Variants in PCDHA9 observed in about 807,000 individuals in gnomAD.
The protein encoded by PCDHA9 is protocadherin alpha 9, also known as protocadherin alpha-9.
In PCDHA9, 62 loss-of-function variants were observed where a neutral mutation model predicts 62.0. That is an observed-to-expected ratio of 1.00 (90% CI 0.81 to 1.23). The LOEUF (loss-of-function observed/expected upper bound fraction) is 1.23. PCDHA9 is among the 50% of genes most tolerant of loss of function. The pLI, the probability that PCDHA9 is intolerant of heterozygous loss-of-function variation, is 0.00. For missense variants in PCDHA9, 1,205 were observed against 1,249.8 expected (o/e 0.96, Z 0.54); for synonymous variants, 557 against 567.6 (o/e 0.98, Z 0.27).
chr5:140,862,586 C>G (rs2047435706), intron 1 of PCDHA9: 3 of 498,034 alleles, frequency 6.0e-6, no homozygotes, highest in Non-Finnish European at 1.2e-5. Flanking sequence ...TTCCAGCAGC[C>G]CGAGTACATG....
intron 1 of PCDHA9, among the ~76,000 whole-genome samples, chr5:140,959,089 C>T (rs150796442): frequency 0.023 from 3,565 of 152,100 alleles, 49 homozygotes; most frequent in Middle Eastern, 0.034. Context: ...TCCTTGGTTT[C>T]GGACATTCAG....
At chr5:140,863,270 T>C (rs1554158046) in intron 1 of PCDHA9, 1 of 1,459,904 alleles carries the variant, frequency 6.8e-7, no homozygotes, top group Admixed American at 1.8e-5. Flanking sequence ...GAGGCAGCGC[T>C]GGTGGATGTC....
chr5:140,977,514 A>G (rs1554238605), intron 1 of PCDHA9, among the ~76,000 whole-genome samples: 13 of 152,216 alleles, frequency 8.5e-5, no homozygotes. Context: ...CATTTTGTGA[A>G]CTTGAAAACA....
At chr5:140,946,059 G>T (rs979423479) in intron 1 of PCDHA9, among the ~76,000 whole-genome samples, 4 of 152,038 alleles carry the variant, frequency 2.6e-5, no homozygotes, top group Non-Finnish European at 4.4e-5. Flanking sequence ...CAGAATGGGA[G>T]AAAATATTTG....
rs1395280300 is a variant in PCDHA9, at chr5:140,857,152, T to C, written c.2394+6263T>C. ...AAGATGCTCAAGTGGGCACCGTCAT[T>C]GCCCTAATCAGCGTTTCTGACCATG... On this transcript the variant is annotated intron_variant, in intron 1 of 3. Coordinates refer to ENST00000532602, the MANE Select transcript of PCDHA9 (RefSeq NM_031857.2). The C allele has an allele frequency of 3.8e-6, 6 of 1,598,324 alleles. 1 individual carries two copies. In the Admixed American group the frequency reaches 8.4e-5, roughly 22 times the overall value.
At chr5:140,881,648 CCTT>C (rs1554172342) in intron 1 of PCDHA9, among the ~76,000 whole-genome samples, 4 of 152,182 alleles carry the variant, frequency 2.6e-5, no homozygotes, top group African/African-American at 9.7e-5. Flanking sequence ...ATATTTTTCA[CCTT>C]CACCGATTTT....
In PCDHA9 at chr5:141,010,847, A is replaced by C. The variant is rs2098418553; in HGVS notation, c.*910A>C. 6.5e-6 allele frequency: 1 copy of C among 153,782 alleles called. No homozygotes were observed. Among genetic ancestry groups the C allele is most frequent in the Non-Finnish European group, 1.5e-5 (1 of 68,062 alleles). The allele number at this position is 153,782 out of a possible 1,614,324, so 9.5% of individuals were successfully genotyped here. A position where few individuals can be genotyped will look rare whatever the true frequency, so the allele number is the denominator to read the frequency against. ...TTGTTGTTTCATAGATTTATTTAAA[A>C]AAAGAGAAAGTCTATAGCTATAAAT... On this transcript the variant is annotated 3_prime_UTR_variant, in exon 4 of 4. Transcript: ENST00000532602.
At chr5:140,905,928 A>G (rs2072211023) in intron 1 of PCDHA9, among the ~76,000 whole-genome samples, 1 of 152,238 alleles carries the variant, frequency 6.6e-6, no homozygotes, top group Admixed American at 6.5e-5. Context: ...TGAGTCCCAA[A>G]GCTGAAGAAC....
chr5:140,996,293 A>T (rs1481852263), intron 3 of PCDHA9, among the ~76,000 whole-genome samples: 1 of 152,264 alleles, frequency 6.6e-6, no homozygotes, highest in African/African-American at 2.4e-5. Context: ...CAAGAAGCAC[A>T]GATTGTAACA....
chr5:140,871,665 C>G, intron 1 of PCDHA9: 1 of 1,187,684 alleles, frequency 8.4e-7, no homozygotes, highest in African/African-American at 1.5e-5. Flanking sequence ...CATCTTCAGT[C>G]TTTTAATCAT....
chr5:140,878,406 T>A (rs1198360264), intron 1 of PCDHA9, among the ~76,000 whole-genome samples: 2 of 152,254 alleles, frequency 1.3e-5, no homozygotes, highest in Non-Finnish European at 2.9e-5. Flanking sequence ...CAAAATATCT[T>A]CTTTATTTCA....
rs11350929 is a variant in PCDHA9, at chr5:140,972,660, ATTT to A, written c.2395-6269_2395-6267del. Among the ~76,000 whole-genome samples, 687 of 117,242 alleles carry A rather than the reference ATTT, an allele frequency of 5.9e-3. 9 individuals carry two copies. Among genetic ancestry groups the A allele is most frequent in the African/African-American group, 0.021 (630 of 30,162 alleles). 76.9% of individuals were successfully genotyped at this position (117,242 alleles called of 152,430 possible). A position where few individuals can be genotyped will look rare whatever the true frequency, so the allele number is the denominator to read the frequency against. On this transcript the variant is annotated intron_variant, in intron 1 of 3. Coordinates refer to ENST00000532602, the MANE Select transcript of PCDHA9 (RefSeq NM_031857.2). ...CAGAGTCTCCATAAAAAGAAACCAAATTTTTTTTTTTTTTTTTTTTTTGAGATG... is the reference window on the plus strand; with the variant it reads ...CAGAGTCTCCATAAAAAGAAACCAAATTTTTTTTTTTTTTTTTTTGAGATG...
chr5:140,957,983 AG>A (rs1554223250), intron 1 of PCDHA9, among the ~76,000 whole-genome samples: 1 of 152,154 alleles, frequency 6.6e-6, no homozygotes, highest in Non-Finnish European at 1.5e-5. Flanking sequence ...AAATAGAATC[AG>A]TGCCAGATTT....
At chr5:140,926,722 C>A in intron 1 of PCDHA9, 1 of 1,027,126 alleles carries the variant, frequency 9.7e-7, no homozygotes, top group East Asian at 3.0e-5. Flanking sequence ...CCCGGCAATG[C>A]CGGCGTTCGG....
chr5:140,861,587 G>C, intron 1 of PCDHA9: 1 of 374,992 alleles, frequency 2.7e-6, no homozygotes, highest in South Asian at 2.4e-5. Flanking sequence ...TCCATGTGGA[G>C]GTGAAAGTGA....
intron 1 of PCDHA9, among the ~76,000 whole-genome samples, chr5:140,977,624 T>C (rs139722248): frequency 6.6e-6 from 1 of 152,088 alleles, no homozygotes. Flanking sequence ...TATCCCAGAG[T>C]TGTAACTTTT....
intron 1 of PCDHA9, among the ~76,000 whole-genome samples, chr5:140,974,578 C>T (rs1554236214): frequency 6.6e-6 from 1 of 152,170 alleles, no homozygotes; most frequent in Admixed American, 6.5e-5. Flanking sequence ...ATGGCATGAT[C>T]TTGGCTCACT....
rs145430316 is a variant in PCDHA9 at position 140,849,629 on chromosome 5, C to T, written c.1134C>T (p.Asp378=). The T allele has an allele frequency of 6.9e-4, 1,102 of 1,598,720 alleles. 110 individuals carry two copies. The highest frequency in any genetic ancestry group is 1.2e-3 in the South Asian group (106 of 90,564). Residue 378 remains aspartate, a synonymous_variant, in exon 1 of 4, where the codon GAC becomes GAT. Transcript: ENST00000532602. ...CCCTGATTAGTGTGATCGACCTAGA[C>T]GCAGATGCCAACGGGCAGGTTACCT... ...VIALISVIDL[D]ADANGQVTCS...
chr5:140,850,322 C>G lies in PCDHA9; in HGVS notation c.1827C>G (p.Tyr609Ter), dbSNP rs2150479524. 264 of 1,597,382 alleles carry G rather than the reference C, an allele frequency of 1.7e-4. 27 individuals are homozygous for G. The highest frequency in any genetic ancestry group is 2.2e-4 in the Non-Finnish European group (252 of 1,167,724). ...CGGGCTACAACGCGTGGCTTTCATA[C>G]GAGCTGCAGCCAGAAACGGCCAGCG... ...ADSGYNAWLS[Y>*]ELQPETASAS... Residue 609 changes from tyrosine (Y) to a stop codon, truncating the protein, a stop_gained, in exon 1 of 4, where the codon TAC becomes TAG. Coordinates refer to ENST00000532602, the MANE Select transcript of PCDHA9 (RefSeq NM_031857.2). LOFTEE classifies it high-confidence loss of function.
Sources: allele counts gnomAD v4.1 joint callset (sites outside exome capture counted in the v4.1 genomes callset), GRCh38; gene constraint gnomAD v4.1.1; transcripts MANE v1.5; gene names NCBI Gene and HGNC (gene_info 2026-07-23, HGNC 2026-07-21).